Variants in DOCK5 observed in about 807,000 individuals in gnomAD.
The protein encoded by DOCK5 is dedicator of cytokinesis 5.
DOCK5 carries 142 observed loss-of-function variants against 251.8 expected under a neutral mutation model. That is an observed-to-expected ratio of 0.56 (90% confidence interval 0.49 to 0.65). The LOEUF is 0.65. Among genes scored for constraint, DOCK5 ranks in the 30% least tolerant of loss-of-function variants. DOCK5 has a pLI of 0.00. For synonymous variants in DOCK5, 842 were observed against 835.5 expected (o/e 1.01, Z -0.13); for missense variants, 2,111 against 2,312.3 (o/e 0.91, Z 1.79).
intron 1 of DOCK5, among the ~76,000 whole-genome samples, chr8:25,231,868 A>C (rs1221930510): frequency 1.3e-5 from 2 of 152,162 alleles, no homozygotes; most frequent in African/African-American, 4.8e-5. Context: ...TATTATGAAT[A>C]GAGATCAGAT....
chr8:25,215,007 G>A (rs564903976), intron 1 of DOCK5, among the ~76,000 whole-genome samples: 3 of 152,286 alleles, frequency 2.0e-5, no homozygotes, highest in African/African-American at 7.2e-5. Flanking sequence ...TTTCTCCCAT[G>A]CATCAGCAGA....
At chr8:25,385,981 C>A (rs1375188860) in intron 40 of DOCK5, among the ~76,000 whole-genome samples, 2 of 152,168 alleles carry the variant, frequency 1.3e-5, no homozygotes, top group African/African-American at 4.8e-5. Context: ...ATAGCAGGTC[C>A]AAAAGCTATG....
intron 34 of DOCK5, among the ~76,000 whole-genome samples, chr8:25,371,206 G>A (rs939036142): frequency 3.3e-5 from 5 of 152,146 alleles, no homozygotes; most frequent in African/African-American, 1.2e-4. Flanking sequence ...TCTGAATACC[G>A]AGAAATGGAA....
chr8:25,368,374 G>A (rs943807073), intron 32 of DOCK5, 124 bp downstream of exon 32: 1 of 1,134,754 alleles, frequency 8.8e-7, no homozygotes, highest in African/African-American at 1.6e-5. Context: ...GTCTGGAAGT[G>A]AAAGTTGATT....
intron 18 of DOCK5, among the ~76,000 whole-genome samples, chr8:25,326,888 G>A (rs1267250494): frequency 2.0e-5 from 3 of 152,166 alleles, no homozygotes; most frequent in Non-Finnish European, 4.4e-5. Flanking sequence ...TGAAATATAT[G>A]CAGCTGCTAA....
rs555522981 is a variant in DOCK5, at chr8:25,319,350, G to A, written c.1444-228G>A. Among the ~76,000 whole-genome samples, 4 of 152,246 alleles carry A rather than the reference G, an allele frequency of 2.6e-5. No individual in the cohort carries two copies. The South Asian group carries it at 8.3e-4, about 32-fold the overall frequency. On this transcript the variant is annotated intron_variant, in intron 14 of 51. Coordinates refer to ENST00000276440, the MANE Select transcript of DOCK5 (RefSeq NM_024940.8). Reference sequence around the variant, plus strand: ...TACAGGAAAGAAGAATATTTAGGCGGTGCTGGGTTCCTTAGCTGCTACCAA... The same window carrying A: ...TACAGGAAAGAAGAATATTTAGGCGATGCTGGGTTCCTTAGCTGCTACCAA...
At chr8:25,382,529 A>G (rs923385964) in intron 39 of DOCK5, 145 bp from the exon 40 acceptor site, 17 of 656,066 alleles carry the variant, frequency 2.6e-5, no homozygotes, top group Middle Eastern at 5.4e-4. Flanking sequence ...AGAATAGGAT[A>G]ACCCTTTTCT....
chr8:25,287,604 G>A (rs1198528173), intron 5 of DOCK5, among the ~76,000 whole-genome samples: 2 of 152,166 alleles, frequency 1.3e-5, no homozygotes, highest in Non-Finnish European at 2.9e-5. Flanking sequence ...TGAAAGCAGA[G>A]TATTACAGAG....
rs777002703 is a variant in DOCK5 at position 25,369,605 on chromosome 8, G to A, written c.3488G>A (p.Arg1163Lys). ...CTGGACCAGGAGGTAGAAGGGGGCAGAGGAGACGAACAATACAAGGTTCTT... is the reference window on the plus strand; with the variant it reads ...CTGGACCAGGAGGTAGAAGGGGGCAAAGGAGACGAACAATACAAGGTTCTT... The part of the protein sequence containing the change: ...TKLDQEVEGG[R>K]GDEQYKVLLE... The change falls in exon 34 of 52, where the codon AGA becomes AAA. Residue 1163 changes from arginine (R) to lysine (K), a missense_variant. Coordinates refer to ENST00000276440, the MANE Select transcript of DOCK5 (RefSeq NM_024940.8). The A allele has an allele frequency of 6.8e-6, 11 of 1,611,892 alleles. No homozygotes were observed. The Admixed American group carries it at 1.8e-4, about 27-fold the overall frequency.
intron 1 of DOCK5, among the ~76,000 whole-genome samples, chr8:25,228,152 C>T (rs1011795168): frequency 3.3e-5 from 5 of 152,218 alleles, no homozygotes; most frequent in African/African-American, 1.2e-4. Flanking sequence ...GCTGGGATTA[C>T]AGGTGTGCGC....
At chr8:25,377,229 A>G in intron 37 of DOCK5, 76 bp from the exon 38 acceptor site, 1 of 1,488,640 alleles carries the variant, frequency 6.7e-7, no homozygotes, top group East Asian at 2.4e-5. Context: ...AGTCAAATAT[A>G]TATACAATAT....
chr8:25,311,265 C>T (rs936206329), intron 13 of DOCK5, among the ~76,000 whole-genome samples: 7 of 152,030 alleles, frequency 4.6e-5, no homozygotes, highest in African/African-American at 9.7e-5. Flanking sequence ...ATGGCTTGGC[C>T]GAGCAGGGTG....
intron 2 of DOCK5, 131 bp from the exon 3 acceptor site, chr8:25,268,714 C>T (rs1475748396): frequency 1.0e-5 from 7 of 700,834 alleles, no homozygotes; most frequent in South Asian, 3.8e-5. Context: ...CATCTTCTAA[C>T]GTACTGTTAA....
chr8:25,306,503 G>A (rs996937519), intron 11 of DOCK5, among the ~76,000 whole-genome samples: 8 of 151,996 alleles, frequency 5.3e-5, no homozygotes, highest in African/African-American at 1.7e-4. Context: ...TCAGGAGATC[G>A]AGACCACGGT....
At chr8:25,373,219 C>T (rs1325146512) in intron 35 of DOCK5, among the ~76,000 whole-genome samples, 2 of 152,002 alleles carry the variant, frequency 1.3e-5, no homozygotes, top group East Asian at 1.9e-4. Context: ...AGGATGGTCT[C>T]GATCTCCTGA....
At chr8:25,309,075 T>C (rs1422108502) in intron 12 of DOCK5, 150 bp downstream of exon 12, 1 of 1,049,058 alleles carries the variant, frequency 9.5e-7, no homozygotes, top group African/African-American at 1.6e-5. Context: ...ACCACAGGCT[T>C]TTAATACTGA....
At chr8:25,306,453 T>A (rs1447124514) in intron 11 of DOCK5, among the ~76,000 whole-genome samples, 2 of 152,158 alleles carry the variant, frequency 1.3e-5, no homozygotes, top group African/African-American at 4.8e-5. Flanking sequence ...ACGCCTGTAA[T>A]CCCAGCACTT....
chr8:25,400,825 G>A (rs1038265161), intron 46 of DOCK5, 104 bp from the exon 47 acceptor site: 1 of 1,318,862 alleles, frequency 7.6e-7, no homozygotes, highest in Admixed American at 1.8e-5. Flanking sequence ...CCAGCACTAT[G>A]TCTAGCAGTT....
At chr8:25,187,231 GTATA>G (rs57297499) in intron 1 of DOCK5, among the ~76,000 whole-genome samples, 1 of 140,998 alleles carries the variant, frequency 7.1e-6, no homozygotes, top group Non-Finnish European at 1.5e-5. Context: ...ATATATATAC[GTATA>G]TATATATATA....
Sources: gnomAD v4.1 joint callset for allele counts (sites outside exome capture counted in the v4.1 genomes callset) on GRCh38, gnomAD v4.1.1 for gene constraint, MANE v1.5 for transcripts, NCBI Gene and HGNC (gene_info 2026-07-23, HGNC 2026-07-21) for gene names.